AKAP6: variants seen among roughly 807,000 people sequenced by gnomAD.
The protein encoded by AKAP6 is A-kinase anchor protein 6.
A neutral mutation model predicts 188.5 loss-of-function variants in AKAP6; 58 were observed. The observed-to-expected ratio is 0.31, with a 90% CI of 0.25 to 0.38. The LOEUF (loss-of-function observed/expected upper bound fraction) is 0.38. AKAP6 is among the 10% of genes least tolerant of loss of function. The probability of loss-of-function intolerance (pLI) is 1.00; values close to 1 mark genes in which losing one functional copy is unlikely to be tolerated. For missense variants in AKAP6, 2,710 were observed against 2,740.0 expected (o/e 0.99, Z 0.24); for synonymous variants, 989 against 998.6 (o/e 0.99, Z 0.18).
At chr14:32,666,176 T>G (rs890331005) in intron 7 of AKAP6, among the ~76,000 whole-genome samples, 1 of 152,148 alleles carries the variant, frequency 6.6e-6, no homozygotes, top group Non-Finnish European at 1.5e-5. Context: ...TCTACAAATA[T>G]AGTTTTAAAT....
chr14:32,740,613 A>G (rs561874367), intron 11 of AKAP6, among the ~76,000 whole-genome samples: 41 of 152,136 alleles, frequency 2.7e-4, no homozygotes, highest in Non-Finnish European at 5.2e-4. Context: ...TCCCAGCACC[A>G]TTTATTGAAG....
chr14:32,636,535 G>A (rs1001534484), intron 7 of AKAP6, among the ~76,000 whole-genome samples: 1 of 152,054 alleles, frequency 6.6e-6, no homozygotes, highest in African/African-American at 2.4e-5. Context: ...GTTACTCATA[G>A]CTGAGTGTGA....
intron 11 of AKAP6, among the ~76,000 whole-genome samples, chr14:32,753,161 A>G (rs1004237180): frequency 6.6e-6 from 1 of 152,042 alleles, no homozygotes; most frequent in African/African-American, 2.4e-5. Flanking sequence ...TACATTCCCA[A>G]CAACAGTGTA....
chr14:32,464,819 A>G (rs1330625430), intron 2 of AKAP6, among the ~76,000 whole-genome samples: 2 of 152,154 alleles, frequency 1.3e-5, no homozygotes, highest in African/African-American at 4.8e-5. Flanking sequence ...TCTATTTGCA[A>G]ATGACATGAT....
In AKAP6 at chr14:32,418,002, A is replaced by G. The variant is rs1055412642; in HGVS notation, c.-34-15458A>G. ...TCATACGGAACTATTAACAATGATAAGATTAGGCCAAAGAGCACAATGAAT... is the reference window on the plus strand; with the variant it reads ...TCATACGGAACTATTAACAATGATAGGATTAGGCCAAAGAGCACAATGAAT... On this transcript the variant is annotated intron_variant, in intron 1 of 13. Transcript: ENST00000280979. 3 of 152,324 alleles carry G rather than the reference A, an allele frequency of 2.0e-5. No homozygotes were observed. In the South Asian group the frequency reaches 6.2e-4, roughly 32 times the overall value. The allele number at this position is 152,324 out of a possible 1,614,324, so 9.4% of individuals were successfully genotyped here.
At chr14:32,632,116 A>G (rs1434337241) in intron 7 of AKAP6, among the ~76,000 whole-genome samples, 1 of 151,972 alleles carries the variant, frequency 6.6e-6, no homozygotes, top group African/African-American at 2.4e-5. Context: ...TTAGGAAGTG[A>G]TGTTGTAACT....
At chr14:32,493,989 C>G (rs1470364867) in intron 2 of AKAP6, among the ~76,000 whole-genome samples, 1 of 151,208 alleles carries the variant, frequency 6.6e-6, no homozygotes, top group East Asian at 1.9e-4. Context: ...GGCCATTGAA[C>G]TGACTGTCAG....
At chr14:32,692,462 AT>A (rs1476334725) in intron 8 of AKAP6, among the ~76,000 whole-genome samples, 12 of 152,356 alleles carry the variant, frequency 7.9e-5, no homozygotes, top group African/African-American at 2.9e-4. Context: ...ATTAACATTG[AT>A]TTAACATCTA....
Position 32,834,216 on chromosome 14 carries a change from A to C in AKAP6, c.*4411A>C, listed in dbSNP as rs2034850212. On this transcript the variant is annotated 3_prime_UTR_variant, in exon 14 of 14. Coordinates refer to ENST00000280979, the MANE Select transcript of AKAP6 (RefSeq NM_004274.5). ...GAGATCAGCCTGGCCAACATGGTGA[A>C]ACCCCGTCTCTACTAAAAATACAAA... 6.6e-6 allele frequency: 1 copy of C among 152,236 alleles called. No individual in the cohort carries two copies. Among genetic ancestry groups the C allele is most frequent in the African/African-American group, 2.4e-5 (1 of 41,426 alleles). 9.4% of individuals were successfully genotyped at this position (152,236 alleles called of 1,614,324 possible). A position where few individuals can be genotyped will look rare whatever the true frequency, so the allele number is the denominator to read the frequency against.
chr14:32,675,845 T>A (rs1292535076), intron 7 of AKAP6, among the ~76,000 whole-genome samples: 1 of 152,236 alleles, frequency 6.6e-6, no homozygotes, highest in Non-Finnish European at 1.5e-5. Flanking sequence ...TTTTCACATA[T>A]CCCTGTCATA....
intron 2 of AKAP6, among the ~76,000 whole-genome samples, chr14:32,461,041 C>T (rs1356580094): frequency 6.6e-6 from 1 of 152,230 alleles, no homozygotes; most frequent in East Asian, 1.9e-4. Context: ...GGCAGGGCAT[C>T]TCTGAAGGTA....
At chr14:32,523,273 C>T (rs1881948817) in intron 2 of AKAP6, among the ~76,000 whole-genome samples, 2 of 152,204 alleles carry the variant, frequency 1.3e-5, no homozygotes, top group Non-Finnish European at 2.9e-5. Flanking sequence ...CACATGTATA[C>T]ATATGTAACA....
At chr14:32,535,007 A>C (rs1187604702) in intron 2 of AKAP6, among the ~76,000 whole-genome samples, 1 of 144,622 alleles carries the variant, frequency 6.9e-6, no homozygotes, top group East Asian at 2.0e-4. Context: ...AAAAAAAAAC[A>C]CTGAATTTGA....
chr14:32,721,188 C>T (rs373818545), intron 9 of AKAP6, among the ~76,000 whole-genome samples: 2 of 152,150 alleles, frequency 1.3e-5, no homozygotes, highest in Non-Finnish European at 1.5e-5. Flanking sequence ...TGATCCACAT[C>T]GTCACTAAAG....
chr14:32,549,167 G>A (rs951209219), intron 4 of AKAP6, among the ~76,000 whole-genome samples: 4 of 152,130 alleles, frequency 2.6e-5, no homozygotes, highest in African/African-American at 9.7e-5. Context: ...GAGGAGACAG[G>A]CTGAGAGAGA....
chr14:32,725,843 A>T (rs906380459), intron 9 of AKAP6, among the ~76,000 whole-genome samples: 3 of 152,212 alleles, frequency 2.0e-5, no homozygotes, highest in African/African-American at 7.2e-5. Context: ...TCCGTATTTT[A>T]GCAAATTATG....
At chr14:32,755,254 G>GT (rs935659403) in intron 11 of AKAP6, among the ~76,000 whole-genome samples, 7 of 151,298 alleles carry the variant, frequency 4.6e-5, no homozygotes, top group South Asian at 2.1e-4. Flanking sequence ...AAGCTCTGTG[G>GT]TTTTTTTTCT....
intron 12 of AKAP6, among the ~76,000 whole-genome samples, chr14:32,804,679 G>A (rs1208519541): frequency 1.3e-5 from 2 of 152,068 alleles, no homozygotes; most frequent in African/African-American, 2.4e-5. Flanking sequence ...ATTTACCAGG[G>A]TGGAGTTTTT....
intron 12 of AKAP6, among the ~76,000 whole-genome samples, chr14:32,818,748 G>A (rs1215568806): frequency 6.6e-6 from 1 of 151,820 alleles, no homozygotes; most frequent in African/African-American, 2.4e-5. Flanking sequence ...TGACTTGCAG[G>A]TGCCACTTGG....
Sources: gnomAD v4.1 joint callset for allele counts (sites outside exome capture counted in the v4.1 genomes callset) on GRCh38, gnomAD v4.1.1 for gene constraint, MANE v1.5 for transcripts, NCBI Gene and HGNC (gene_info 2026-07-23, HGNC 2026-07-21) for gene names.